The following KIF3A variants were observed in gnomAD, a reference collection of about 807,000 sequenced individuals.
KIF3A encodes kinesin-like protein KIF3A.
Under a neutral mutation model 92.6 loss-of-function variants are expected in KIF3A, and 27 were observed. The ratio of observed to expected loss-of-function variants is 0.29; its 90% CI spans 0.21 to 0.40. The LOEUF (loss-of-function observed/expected upper bound fraction) is 0.40, where lower values mean the gene tolerates loss of function less well. KIF3A is among the 10% of genes least tolerant of loss of function. The pLI is 1.00. For synonymous variants in KIF3A, 250 were observed against 275.4 expected, an observed-to-expected ratio of 0.91 and a Z score of 0.92; for missense variants, 581 against 872.6, an observed-to-expected ratio of 0.67 and a Z score of 4.21.
chr5:132,715,277 C>T (rs990974590), intron 8 of KIF3A, among the ~76,000 whole-genome samples: 3 of 152,170 alleles, frequency 2.0e-5, no homozygotes, highest in African/African-American at 7.2e-5. Context: ...AATACAATCT[C>T]ATGTTCAAAT....
rs541200387 is a variant in KIF3A, at chr5:132,702,496, C to T, written c.1758+62G>A. Reference sequence around the variant, plus strand: ...TTATGATTATTTATAAATTCTTAATCAAAGAACTCCCTTTTAAAAAATCCA... The same window carrying T: ...TTATGATTATTTATAAATTCTTAATTAAAGAACTCCCTTTTAAAAAATCCA... On this transcript the variant is annotated intron_variant, in intron 14 of 18. Transcript: ENST00000403231. The T allele has an allele frequency of 1.1e-4, 99 of 915,670 alleles. No homozygotes were observed. In the East Asian group the frequency reaches 2.3e-3, roughly 22 times the overall value. 56.7% of individuals were successfully genotyped at this position (915,670 alleles called of 1,614,324 possible).
chr5:132,733,676 A>G (rs1754307118), intron 2 of KIF3A, among the ~76,000 whole-genome samples: 1 of 152,230 alleles, frequency 6.6e-6, no homozygotes, highest in African/African-American at 2.4e-5. Flanking sequence ...CAGAAGTGAG[A>G]GGATAGCTTC....
At position 132,701,943 on chromosome 5, in the gene KIF3A, C is replaced by T. The variant is rs1753051804; in HGVS notation, c.1884+144G>A. Reference sequence around the variant, plus strand: ...GAGATTATGTATTAAAAGTTAACAACTAAAGTGAAATGTGATGGCATTTGT... The same window carrying T: ...GAGATTATGTATTAAAAGTTAACAATTAAAGTGAAATGTGATGGCATTTGT... On this transcript the variant is annotated intron_variant, in intron 15 of 18. Coordinates refer to ENST00000403231, the MANE Select transcript of KIF3A (RefSeq NM_001300791.2). 3 of 858,654 alleles carry T rather than the reference C, an allele frequency of 3.5e-6. No individual in the cohort carries two copies. The African/African-American group carries it at 5.1e-5, about 14-fold the overall frequency. 53.2% of individuals were successfully genotyped at this position (858,654 alleles called of 1,614,324 possible).
chr5:132,704,557 A>G (rs549155115), intron 11 of KIF3A, among the ~76,000 whole-genome samples: 2 of 152,134 alleles, frequency 1.3e-5, no homozygotes, highest in South Asian at 4.1e-4. Flanking sequence ...AATGAAAAAG[A>G]GAAAATAAAA....
At chr5:132,690,123 G>A (rs893450549), downstream of KIF3A, among the ~76,000 whole-genome samples, 31 of 152,212 alleles carry the variant, frequency 2.0e-4, no homozygotes, top group South Asian at 2.1e-4. Context: ...GGCTGAGGCC[G>A]GAGAATCGCT....
chr5:132,700,087 T>G, intron 17 of KIF3A, 129 bp downstream of exon 17: 2 of 621,048 alleles, frequency 3.2e-6, no homozygotes, highest in South Asian at 4.0e-5. Context: ...TTCCCAAAAG[T>G]ATCAGCCCAT....
At chr5:132,726,548 A>G in intron 2 of KIF3A, 50 bp from the exon 3 acceptor site, 5 of 1,486,722 alleles carry the variant, frequency 3.4e-6, no homozygotes, top group Non-Finnish European at 4.6e-6. Context: ...AATGCTACAG[A>G]ACAATAGCTC....
intron 8 of KIF3A, among the ~76,000 whole-genome samples, chr5:132,713,889 C>CTTT (rs34191042): frequency 0.014 from 1,207 of 83,708 alleles, 7 homozygotes; most frequent in Non-Finnish European, 0.018. Flanking sequence ...ATTTCACTTT[C>CTTT]TTTTTTTTTT....
At chr5:132,735,539 A>C (rs1754362959) in intron 1 of KIF3A, among the ~76,000 whole-genome samples, 1 of 152,214 alleles carries the variant, frequency 6.6e-6, no homozygotes, top group Non-Finnish European at 1.5e-5. Context: ...TGACTCTGAC[A>C]TTGTCACTGA....
At chr5:132,718,332 C>T (rs767721840) in intron 5 of KIF3A, among the ~76,000 whole-genome samples, 2 of 152,166 alleles carry the variant, frequency 1.3e-5, no homozygotes, top group Admixed American at 1.3e-4. Flanking sequence ...TTGTTTGAGA[C>T]AGGGTCTCCC....
intron 1 of KIF3A, among the ~76,000 whole-genome samples, chr5:132,735,746 T>C (rs1251948253): frequency 2.0e-5 from 3 of 152,206 alleles, no homozygotes; most frequent in Non-Finnish European, 4.4e-5. Context: ...CATCTAATCA[T>C]GTCACTCTCC....
chr5:132,734,155 G>A (rs9784600), intron 2 of KIF3A, 50 bp downstream of exon 2: 21 of 1,404,984 alleles, frequency 1.5e-5, no homozygotes, highest in Non-Finnish European at 2.1e-5. Context: ...TTATGGCACA[G>A]TAATTATGTC....
In KIF3A at chr5:132,693,090, T is replaced by C. The variant is rs1236980984; in HGVS notation, c.*3544A>G. The C allele has an allele frequency of 6.6e-6, 1 of 151,302 alleles. No homozygotes were observed. Among genetic ancestry groups the C allele is most frequent in the Non-Finnish European group, 1.5e-5 (1 of 67,828 alleles). 9.4% of individuals were successfully genotyped at this position (151,302 alleles called of 1,614,324 possible). On this transcript the variant is annotated 3_prime_UTR_variant, in exon 19 of 19. Transcript: ENST00000403231. ...CAAAACAAAAAACAACCAAAAACCA[T>C]AATCATAGTTTTAAAAACATGTTAC... is the stretch of plus-strand genomic sequence containing the variant.
intron 2 of KIF3A, among the ~76,000 whole-genome samples, chr5:132,731,790 AAC>A (rs1754240051): frequency 6.6e-6 from 1 of 151,722 alleles, no homozygotes; most frequent in Admixed American, 6.6e-5. Flanking sequence ...GGTTCACTGC[AAC>A]CTCCGCCTCC....
chr5:132,704,685 G>C (rs916763167), intron 11 of KIF3A, among the ~76,000 whole-genome samples: 1 of 151,828 alleles, frequency 6.6e-6, no homozygotes, highest in African/African-American at 2.4e-5. Context: ...GAATTGGTCT[G>C]AGGCTCTCCT....
downstream of KIF3A, among the ~76,000 whole-genome samples, chr5:132,690,556 T>C (rs928083725): frequency 2.6e-5 from 4 of 152,214 alleles, no homozygotes; most frequent in Non-Finnish European, 5.9e-5. Flanking sequence ...TATATGCTAA[T>C]TACCCTGATC....
At chr5:132,723,774 G>A (rs1753907268) in intron 4 of KIF3A, 1 of 152,156 alleles carries the variant, frequency 6.6e-6, no homozygotes, top group Admixed American at 6.5e-5. Context: ...AAAAGCAATG[G>A]CAACAAAAGC....
chr5:132,730,709 C>T (rs769671720), intron 2 of KIF3A, among the ~76,000 whole-genome samples: 8 of 151,952 alleles, frequency 5.3e-5, no homozygotes, highest in Non-Finnish European at 1.0e-4. Flanking sequence ...GTGGGAGGAT[C>T]GCTTGAGCCC....
At chr5:132,732,034 T>C (rs1192250838) in intron 2 of KIF3A, among the ~76,000 whole-genome samples, 2 of 152,038 alleles carry the variant, frequency 1.3e-5, no homozygotes, top group African/African-American at 2.4e-5. Flanking sequence ...TAGAAAATCC[T>C]ACAAAATTTA....
Sources: allele counts gnomAD v4.1 joint callset (sites outside exome capture counted in the v4.1 genomes callset), GRCh38; gene constraint gnomAD v4.1.1; transcripts MANE v1.5; gene names NCBI Gene and HGNC (gene_info 2026-07-23, HGNC 2026-07-21).